C2CD2: variants seen among roughly 807,000 people sequenced by gnomAD.
C2CD2 encodes the protein C2 domain-containing protein 2.
A neutral mutation model predicts 74.3 loss-of-function variants in C2CD2; 43 were observed. The observed-to-expected ratio is 0.58, with a 90% CI of 0.45 to 0.75. The LOEUF is 0.75. Ranked by LOEUF, C2CD2 falls within the 30% of genes least tolerant of loss-of-function variation. The pLI, the probability that C2CD2 is intolerant of heterozygous loss-of-function variation, is 0.00. For missense variants in C2CD2, 801 were observed against 916.3 expected, an observed-to-expected ratio of 0.87 and a Z score of 1.63; for synonymous variants, 422 against 390.7, an observed-to-expected ratio of 1.08 and a Z score of -0.94.
At position 41,914,633 on chromosome 21, in the gene C2CD2, A is replaced by T. The variant is rs749714963; in HGVS notation, c.809T>A (p.Ile270Asn). The change falls in exon 6 of 14, where the codon ATC (isoleucine) becomes AAC (asparagine). Residue 270 changes from isoleucine (I) to asparagine (N), a missense_variant. Physicochemically the swap from Ile to Asn is moderately radical, Grantham distance 149 (BLOSUM62 -3). Transcript: ENST00000380486. ...GGGCTCGCTGAGCAGCAAGACGTGG[A>T]TGTTCCTCACCAGTAGCTTCAGCTC... Reference protein sequence around the residue: ...AHELKLLVRNIHVLLLSEPGA... With the variant: ...AHELKLLVRNNHVLLLSEPGA... 2 of 1,613,926 alleles carry T rather than the reference A, an allele frequency of 1.2e-6. No individual in the cohort carries two copies. The highest frequency in any genetic ancestry group is 3.3e-5 in the Admixed American group (2 of 60,014).
At chr21:41,901,787 A>C in intron 11 of C2CD2, 38 bp from the exon 12 acceptor site, 1 of 1,596,566 alleles carries the variant, frequency 6.3e-7, no homozygotes, top group East Asian at 2.2e-5. Context: ...CATCAGCAAA[A>C]ATTAAAGACT....
At chr21:41,918,523 A>G (rs764984227) in intron 4 of C2CD2, among the ~76,000 whole-genome samples, 17 of 148,962 alleles carry the variant, frequency 1.1e-4, no homozygotes, top group Admixed American at 4.0e-4. Context: ...TTGGCTGCAT[A>G]TGAGTGCTAA....
rs1415634880 is a variant in C2CD2, at chr21:41,929,585, T to A, written c.379-7500A>T. ...CCCCAGACTAGGTGGGTTATAACTT[T>A]TATTTAAAACTTTCAGTTCCAGCTG... is the stretch of plus-strand genomic sequence containing the variant. On this transcript the variant is annotated intron_variant, in intron 2 of 13. Coordinates refer to ENST00000380486, the MANE Select transcript of C2CD2 (RefSeq NM_015500.2). The surrounding 1 kb of genome is among the most constrained non-coding windows in gnomAD (Gnocchi z 4.6). Among the ~76,000 whole-genome samples, 1 of 152,216 alleles carries A rather than the reference T, an allele frequency of 6.6e-6. No individual in the cohort carries two copies. The highest frequency in any genetic ancestry group is 2.4e-5 in the African/African-American group (1 of 41,454).
In C2CD2 at chr21:41,892,938, C is replaced by T. The variant is rs554258657; in HGVS notation, c.1871-3594G>A. On this transcript the variant is annotated intron_variant, in intron 13 of 13. Transcript: ENST00000380486. The surrounding 1 kb of genome is among the most constrained non-coding windows in gnomAD (Gnocchi z 4.6). The stretch of plus-strand genomic sequence containing the variant: ...GCAGGGCCCGGTGCCACGCCAGAGA[C>T]GCGCGGTGCGCCCAGGTTAAGAGGG... Among the ~76,000 whole-genome samples the T allele has an allele frequency of 9.2e-5, 14 of 152,350 alleles. No homozygotes were observed. The highest frequency in any genetic ancestry group is 7.8e-4 in the Admixed American group (12 of 15,310).
At chr21:41,950,191 G>C (rs1317292636) in intron 1 of C2CD2, among the ~76,000 whole-genome samples, 1 of 152,146 alleles carries the variant, frequency 6.6e-6, no homozygotes, top group East Asian at 1.9e-4. Context: ...TGGCAAGTGT[G>C]TACTAGCAGC....
rs529299157 is a variant in C2CD2 at position 41,943,173 on chromosome 21, C to T, written c.280-928G>A. ...AATATTAGCTGGGTGTGGTGGCACA[C>T]GTGTAATCCCAGCTACTCAGGAAGC... On this transcript the variant is annotated intron_variant, in intron 1 of 13. Transcript: ENST00000380486. Among the ~76,000 whole-genome samples, 4 of 152,202 alleles carry T rather than the reference C, an allele frequency of 2.6e-5. No homozygotes were observed. In the East Asian group the frequency reaches 5.8e-4, roughly 22 times the overall value.
At chr21:41,921,327 T>C (rs1202197533) in intron 3 of C2CD2, among the ~76,000 whole-genome samples, 1 of 152,166 alleles carries the variant, frequency 6.6e-6, no homozygotes, top group African/African-American at 2.4e-5. Context: ...GGAACTCCAG[T>C]GAATATCTGG....
intron 5 of C2CD2, among the ~76,000 whole-genome samples, chr21:41,916,324 A>C (rs2065090054): frequency 6.6e-6 from 1 of 152,104 alleles, no homozygotes; most frequent in Admixed American, 6.5e-5. Context: ...ATTAACATTG[A>C]ACTTGGCACA....
intron 13 of C2CD2, among the ~76,000 whole-genome samples, chr21:41,891,308 T>C (rs73909434): frequency 0.012 from 1,767 of 152,322 alleles, 33 homozygotes; most frequent in African/African-American, 0.04. Context: ...TGTCAGTTCC[T>C]GGAGTGAGTC....
rs189830192 is a variant in C2CD2, at chr21:41,895,884, C to A, written c.1870+3169G>T. On this transcript the variant is annotated intron_variant, in intron 13 of 13. Coordinates refer to ENST00000380486, the MANE Select transcript of C2CD2 (RefSeq NM_015500.2). The surrounding 1 kb of genome is among the most constrained non-coding windows in gnomAD (Gnocchi z 5.0). The stretch of plus-strand genomic sequence containing the variant: ...TCCCAAGAACAGCATCGGATTTCAA[C>A]TGGAACCACAGATGGTCCGTTGATA... Among the ~76,000 whole-genome samples, 2 of 152,272 alleles carry A rather than the reference C, an allele frequency of 1.3e-5. No individual in the cohort carries two copies. Among genetic ancestry groups the A allele is most frequent in the South Asian group, 4.1e-4 (2 of 4,830 alleles).
chr21:41,926,160 AG>A lies in C2CD2; in HGVS notation c.379-4076del, dbSNP rs2065209281. On this transcript the variant is annotated intron_variant, in intron 2 of 13. Transcript: ENST00000380486. The surrounding 1 kb of genome is among the most constrained non-coding windows in gnomAD (Gnocchi z 8.0). ...CCACAGAGCCCAGGTCTGCATCTGCAGGAGCGAGCTCCCTCGACAACAACCA... is the reference window on the plus strand; with the variant it reads ...CCACAGAGCCCAGGTCTGCATCTGCAGAGCGAGCTCCCTCGACAACAACCA... Among the ~76,000 whole-genome samples the A allele has an allele frequency of 6.6e-6, 1 of 152,254 alleles. No individual in the cohort carries two copies. The highest frequency in any genetic ancestry group is 6.5e-5 in the Admixed American group (1 of 15,282).
Position 41,899,035 on chromosome 21 carries a change from G to C in C2CD2, c.1870+18C>G. The C allele has an allele frequency of 6.2e-7, 1 of 1,604,334 alleles. No homozygotes were observed. The highest frequency in any genetic ancestry group is 8.5e-7 in the Non-Finnish European group (1 of 1,174,170). On this transcript the variant is annotated intron_variant, in intron 13 of 13. Coordinates refer to ENST00000380486, the MANE Select transcript of C2CD2 (RefSeq NM_015500.2). The surrounding 1 kb of genome is among the most constrained non-coding windows in gnomAD (Gnocchi z 4.4). Reference sequence around the variant, plus strand: ...CACCAAGTGGGGGGCCCGGGATGGGGGGCTCGGGAGCAGGTACCTTTATGC... The same window carrying C: ...CACCAAGTGGGGGGCCCGGGATGGGCGGCTCGGGAGCAGGTACCTTTATGC...
In C2CD2 at chr21:41,943,113, C is replaced by T. The variant is rs2065368981; in HGVS notation, c.280-868G>A. ...GCCAGCAGTTCGAGACCAGCCTGGCCAACACGGTGAAACCCTGCCTCTACC... is the reference window on the plus strand; with the variant it reads ...GCCAGCAGTTCGAGACCAGCCTGGCTAACACGGTGAAACCCTGCCTCTACC... On this transcript the variant is annotated intron_variant, in intron 1 of 13. Transcript: ENST00000380486. 4 of 165,472 alleles carry T rather than the reference C, an allele frequency of 2.4e-5. No individual in the cohort carries two copies. The Admixed American group carries it at 2.6e-4, about 11-fold the overall frequency. The allele number at this position is 165,472 out of a possible 1,614,324, so 10.3% of individuals were successfully genotyped here.
chr21:41,934,199 C>T (rs565788067), intron 2 of C2CD2, among the ~76,000 whole-genome samples: 11 of 152,226 alleles, frequency 7.2e-5, no homozygotes, highest in Admixed American at 2.6e-4. Flanking sequence ...AGGCAGAAGA[C>T]GATGGATTAC....
chr21:41,926,041 A>T lies in C2CD2; in HGVS notation c.379-3956T>A, dbSNP rs17114105. Among the ~76,000 whole-genome samples the T allele has an allele frequency of 0.012, 1,810 of 152,278 alleles. 48 individuals are homozygous for T. The highest frequency in any genetic ancestry group is 0.041 in the African/African-American group (1,714 of 41,552). Reference sequence around the variant, plus strand: ...CAGTCTGCTATTAATACAGGATTTTAAAAAGTTAAATAGAAGCAATTATTT... The same window carrying T: ...CAGTCTGCTATTAATACAGGATTTTTAAAAGTTAAATAGAAGCAATTATTT... On this transcript the variant is annotated intron_variant, in intron 2 of 13. Transcript: ENST00000380486. The surrounding 1 kb of genome is among the most constrained non-coding windows in gnomAD (Gnocchi z 8.0).
chr21:41,933,353 G>A (rs529833937), intron 2 of C2CD2, among the ~76,000 whole-genome samples: 2 of 152,154 alleles, frequency 1.3e-5, no homozygotes, highest in African/African-American at 2.4e-5. Context: ...GACCATGGGG[G>A]TGTGTGGCTT....
At chr21:41,944,521 C>CAAAAAAAAAAAAAAAA (rs369422328) in intron 1 of C2CD2, among the ~76,000 whole-genome samples, 1 of 97,948 alleles carries the variant, frequency 1.0e-5, no homozygotes, top group African/African-American at 3.9e-5. Context: ...GACTCTGCCT[C>CAAAAAAAAAAAAAAAA]AAAAAAAAAA....
Position 41,942,749 on chromosome 21 carries a change from A to C in C2CD2, c.280-504T>G, listed in dbSNP as rs2065365439. Reference sequence around the variant, plus strand: ...TGTGGTTGCTGTGGTACGATTACTTAGGGTGCCCCCCATTCTCCTCTCCTA... The same window carrying C: ...TGTGGTTGCTGTGGTACGATTACTTCGGGTGCCCCCCATTCTCCTCTCCTA... On this transcript the variant is annotated intron_variant, in intron 1 of 13. Transcript: ENST00000380486. Among the ~76,000 whole-genome samples, 3 of 152,036 alleles carry C rather than the reference A, an allele frequency of 2.0e-5. No homozygotes were observed. The South Asian group carries it at 6.2e-4, about 32-fold the overall frequency.
chr21:41,934,856 GTT>G (rs374742751), intron 2 of C2CD2, among the ~76,000 whole-genome samples: 1 of 124,078 alleles, frequency 8.1e-6, no homozygotes. Context: ...GCCTTGCCTC[GTT>G]TTTTTTTTTT....
Sources: gnomAD v4.1 joint callset for allele counts (sites outside exome capture counted in the v4.1 genomes callset) on GRCh38, gnomAD v4.1.1 for gene constraint, Gnocchi (gnomAD v3.1) non-coding constraint, MANE v1.5 for transcripts, NCBI Gene and HGNC (gene_info 2026-07-23, HGNC 2026-07-21) for gene names.